Variants in SYNE1 observed in about 807,000 individuals in gnomAD.
The protein encoded by SYNE1 is spectrin repeat containing nuclear envelope protein 1.
Under a neutral mutation model 1,111.0 loss-of-function variants are expected in SYNE1, and 616 were observed. That is an observed-to-expected ratio of 0.55 (90% CI 0.52 to 0.59). The LOEUF (loss-of-function observed/expected upper bound fraction) is 0.59, where lower values mean the gene tolerates loss of function less well. SYNE1 is among the 20% of genes least tolerant of loss of function. The probability of loss-of-function intolerance (pLI) is 0.00; values close to 1 mark genes in which losing one functional copy is unlikely to be tolerated. For missense variants in SYNE1, 10,006 were observed against 10,417.0 expected (o/e 0.96, Z 1.72); for synonymous variants, 3,855 against 3,825.8 (o/e 1.01, Z -0.28).
chr6:152,386,359 C>T (rs1438597879), intron 54 of SYNE1, among the ~76,000 whole-genome samples: 3 of 152,114 alleles, frequency 2.0e-5, no homozygotes, highest in Admixed American at 1.3e-4. Flanking sequence ...TCAAACTTAA[C>T]GTCTTTTTGA....
chr6:152,453,367 A>G, intron 25 of SYNE1: 2 of 668,654 alleles, frequency 3.0e-6, no homozygotes, highest in Non-Finnish European at 5.0e-6. Context: ...ATGCTCGAGT[A>G]ATAGGATAAA....
chr6:152,472,498 G>A, intron 14 of SYNE1, 85 bp from the exon 15 acceptor site: 2 of 1,220,494 alleles, frequency 1.6e-6, no homozygotes, highest in South Asian at 1.2e-5. Flanking sequence ...CCGCACCGAT[G>A]AGTCAATGTA....
chr6:152,375,122 T>G (rs1563493554), intron 58 of SYNE1, among the ~76,000 whole-genome samples: 1 of 151,976 alleles, frequency 6.6e-6, no homozygotes, highest in Non-Finnish European at 1.5e-5. Context: ...TGTATTTTAT[T>G]AGTAGAGACA....
At chr6:152,610,521 G>A (rs1583394170) in intron 3 of SYNE1, among the ~76,000 whole-genome samples, 1 of 152,194 alleles carries the variant, frequency 6.6e-6, no homozygotes. Flanking sequence ...ACGTTTGATT[G>A]GTGTACCTGA....
At chr6:152,239,850 A>T in intron 107 of SYNE1, 144 bp from the exon 108 acceptor site, 1 of 843,816 alleles carries the variant, frequency 1.2e-6, no homozygotes, top group Non-Finnish European at 1.9e-6. Flanking sequence ...CCTGAGGTCA[A>T]GAGCTCAAGA....
intron 77 of SYNE1, among the ~76,000 whole-genome samples, chr6:152,333,025 A>G (rs959024): frequency 0.075 from 11,366 of 152,238 alleles, 976 homozygotes; most frequent in East Asian, 0.49. Flanking sequence ...AACAAACCAG[A>G]AAATGGTATA....
chr6:152,397,128 C>A, intron 49 of SYNE1, 148 bp from the exon 50 acceptor site: 1 of 773,272 alleles, frequency 1.3e-6, no homozygotes, highest in Admixed American at 2.0e-5. Flanking sequence ...TTGGGCACAA[C>A]CAAGGCTCCT....
intron 123 of SYNE1, among the ~76,000 whole-genome samples, chr6:152,212,024 T>A (rs1587919476): frequency 1.3e-5 from 2 of 152,160 alleles, no homozygotes. Flanking sequence ...AAGTTTTAAA[T>A]TTTAAAATTA....
At chr6:152,335,972 C>G (rs9397099) in intron 76 of SYNE1, 69,455 of 151,516 alleles carry the variant, frequency 0.46, 15,953 homozygotes, top group East Asian at 0.56. Flanking sequence ...CAGGCATGAG[C>G]CACCACACCC....
chr6:152,510,338 G>A lies in SYNE1; in HGVS notation c.436C>T (p.Gln146Ter). 2.5e-6 allele frequency: 4 copies of A among 1,613,986 alleles called. No homozygotes were observed. The highest frequency in any genetic ancestry group is 1.1e-5 in the South Asian group (1 of 91,076). Reference sequence around the variant, plus strand: ...GAGGATGCGCTGCTGGACAAAGACTGGAGCTGGGGCAGGTTGCTGGTCAAC... The same window carrying A: ...GAGGATGCGCTGCTGGACAAAGACTAGAGCTGGGGCAGGTTGCTGGTCAAC... ...EELTSNLPQL[Q>*]SLSSSASSVD... Residue 146 changes from glutamine (Q) to a stop codon, truncating the protein, a stop_gained, in exon 8 of 146, where the codon CAG (glutamine) becomes TAG (stop). Coordinates refer to ENST00000367255, the MANE Select transcript of SYNE1 (RefSeq NM_182961.4). LOFTEE classifies it high-confidence loss of function.
chr6:152,406,493 A>G (rs1364343561), intron 45 of SYNE1, among the ~76,000 whole-genome samples: 2 of 149,980 alleles, frequency 1.3e-5, no homozygotes, highest in African/African-American at 5.0e-5. Flanking sequence ...CAAAAAAAAA[A>G]AAACCCTTTT....
chr6:152,409,032 T>C, intron 44 of SYNE1, 36 bp downstream of exon 44: 2 of 1,605,796 alleles, frequency 1.2e-6, no homozygotes, highest in Middle Eastern at 1.7e-4. Context: ...ATGTGAATAT[T>C]TAAATAGTTC....
In SYNE1 at chr6:152,135,122, G is replaced by C; in HGVS notation, c.25770C>G (p.Asp8590Glu). ...ATCTTACCATAAGCTGTTTGTGATG[G>C]TCCTGAAGTATCTCTGCATCAAGGT... ...DSNLDAEILQ[D>E]HHKQLMQIKH... Residue 8590 changes from aspartate (D) to glutamate (E), a missense_variant, in exon 142 of 146, where the codon GAC becomes GAG. This residue lies in a region of SYNE1 where 761 missense variants were observed against 795.5 expected (regional missense o/e 0.96). Coordinates refer to ENST00000367255, the MANE Select transcript of SYNE1 (RefSeq NM_182961.4). The C allele has an allele frequency of 6.2e-7, 1 of 1,614,102 alleles. No individual in the cohort carries two copies. Among genetic ancestry groups the C allele is most frequent in the Non-Finnish European group, 8.5e-7 (1 of 1,180,004 alleles).
At chr6:152,165,877 C>T (rs1393801630) in intron 130 of SYNE1, among the ~76,000 whole-genome samples, 1 of 152,148 alleles carries the variant, frequency 6.6e-6, no homozygotes, top group Non-Finnish European at 1.5e-5. Flanking sequence ...TGCATTTGAT[C>T]GACCACAGCA....
At chr6:152,513,294 C>A (rs1016810692) in intron 6 of SYNE1, among the ~76,000 whole-genome samples, 3 of 152,112 alleles carry the variant, frequency 2.0e-5, no homozygotes, top group South Asian at 2.1e-4. Flanking sequence ...GAGAATGAGT[C>A]TTTAAAGAGA....
intron 3 of SYNE1, chr6:152,546,474 T>C (rs1266005160): frequency 1.3e-5 from 2 of 152,178 alleles, no homozygotes; most frequent in Non-Finnish European, 2.9e-5. Flanking sequence ...TGATTTTAAG[T>C]GACATCTGAG....
At chr6:152,247,199 C>G (rs912259073) in intron 105 of SYNE1, among the ~76,000 whole-genome samples, 4 of 152,164 alleles carry the variant, frequency 2.6e-5, no homozygotes, top group African/African-American at 9.7e-5. Flanking sequence ...CAGCACAACT[C>G]AAGAGATGAC....
At chr6:152,174,595 T>C (rs1419212510) in intron 130 of SYNE1, among the ~76,000 whole-genome samples, 2 of 152,184 alleles carry the variant, frequency 1.3e-5, no homozygotes, top group African/African-American at 4.8e-5. Flanking sequence ...AGAACTTATC[T>C]TCCATTTAAC....
chr6:152,350,383 A>T lies in SYNE1; in HGVS notation c.11734-48T>A, dbSNP rs1451048089. The T allele has an allele frequency of 2.5e-6, 4 of 1,612,660 alleles. No individual in the cohort carries two copies. In the Admixed American group the frequency reaches 6.7e-5, roughly 27 times the overall value. On this transcript the variant is annotated intron_variant, in intron 71 of 145. Transcript: ENST00000367255. ...GAGATGACTTTCAAGTGAAAAACCT[A>T]CTCAAAACTGTTTTGTATTACAAAA...
Sources: allele counts gnomAD v4.1 joint callset (sites outside exome capture counted in the v4.1 genomes callset), GRCh38; gene constraint gnomAD v4.1.1; regional missense constraint gnomAD v4.1.1; transcripts MANE v1.5; gene names NCBI Gene and HGNC (gene_info 2026-07-23, HGNC 2026-07-21).